ADAM12: variants seen among roughly 807,000 people sequenced by gnomAD.
ADAM12 encodes disintegrin and metalloproteinase domain-containing protein 12.
Under a neutral mutation model 106.4 loss-of-function variants are expected in ADAM12, and 70 were observed. The observed-to-expected ratio is 0.66, with a 90% CI of 0.54 to 0.80. The LOEUF (loss-of-function observed/expected upper bound fraction) is 0.80. ADAM12 is among the 30% of genes least tolerant of loss of function. The pLI is 0.00. For synonymous variants in ADAM12, 420 were observed against 433.5 expected, an observed-to-expected ratio of 0.97 and a Z score of 0.39; for missense variants, 1,010 against 1,171.9, an observed-to-expected ratio of 0.86 and a Z score of 2.02.
intron 21 of ADAM12, among the ~76,000 whole-genome samples, chr10:126,022,807 T>C (rs1003925451): frequency 6.6e-6 from 1 of 152,252 alleles, no homozygotes; most frequent in African/African-American, 2.4e-5. Context: ...ACCTCATTTT[T>C]ATGCCCTCTT....
At chr10:126,299,923 G>C (rs1445115552) in intron 2 of ADAM12, among the ~76,000 whole-genome samples, 1 of 152,034 alleles carries the variant, frequency 6.6e-6, no homozygotes. Context: ...GGATTACAGG[G>C]GTGAGCCACC....
At chr10:126,071,873 A>G (rs753313596) in intron 11 of ADAM12, among the ~76,000 whole-genome samples, 1 of 152,220 alleles carries the variant, frequency 6.6e-6, no homozygotes, top group Non-Finnish European at 1.5e-5. Flanking sequence ...AACGCGGCTG[A>G]TGAAGAAGTG....
chr10:126,022,498 CAAG>C (rs1206560768), intron 21 of ADAM12, among the ~76,000 whole-genome samples: 11 of 152,162 alleles, frequency 7.2e-5, no homozygotes, highest in African/African-American at 2.7e-4. Flanking sequence ...GGGGTTAGTC[CAAG>C]AAGATGTGCC....
chr10:126,136,181 AG>A (rs1312809326), intron 4 of ADAM12, among the ~76,000 whole-genome samples: 1 of 152,202 alleles, frequency 6.6e-6, no homozygotes, highest in African/African-American at 2.4e-5. Flanking sequence ...CTATCTCGGC[AG>A]GAAAGAAAAA....
At chr10:126,121,116 T>A (rs1229888575) in intron 5 of ADAM12, among the ~76,000 whole-genome samples, 1 of 69,380 alleles carries the variant, frequency 1.4e-5, no homozygotes, top group African/African-American at 6.2e-5. Flanking sequence ...ATATAGTATA[T>A]ATATAGTATA....
intron 1 of ADAM12, among the ~76,000 whole-genome samples, chr10:126,357,414 C>A (rs1590820753): frequency 6.6e-6 from 1 of 152,098 alleles, no homozygotes; most frequent in Admixed American, 6.6e-5. Context: ...CTTTCCTAGA[C>A]AAACAAAAGC....
Position 126,205,810 on chromosome 10 carries a change from G to A in ADAM12, c.261-50505C>T, listed in dbSNP as rs558469969. 5.3e-5 allele frequency among the ~76,000 whole-genome samples: 8 copies of A among 152,208 alleles called. No individual in the cohort carries two copies. In the South Asian group the frequency reaches 8.3e-4, roughly 16 times the overall value. On this transcript the variant is annotated intron_variant, in intron 3 of 22. Coordinates refer to ENST00000448723, the MANE Select transcript of ADAM12 (RefSeq NM_001288973.2). ...TGTTACTGTCTGTGAAAGACTGATC[G>A]GTATATCCTGGAGATTTTTCTTTTT...
intron 11 of ADAM12, among the ~76,000 whole-genome samples, chr10:126,075,196 G>C (rs569114547): frequency 1.0e-3 from 155 of 152,340 alleles, no homozygotes; most frequent in African/African-American, 3.6e-3. Flanking sequence ...ATGAGGCTGA[G>C]AAGTATTTTC....
chr10:126,340,492 AG>A (rs112927687), intron 1 of ADAM12, among the ~76,000 whole-genome samples: 2,291 of 152,322 alleles, frequency 0.015, 71 homozygotes, highest in African/African-American at 0.053. Context: ...TCATGAAGCC[AG>A]GGGGCTGACC....
rs151138785 is a variant in ADAM12 at position 126,194,194 on chromosome 10, A to T, written c.261-38889T>A. Among the ~76,000 whole-genome samples the T allele has an allele frequency of 3.4e-3, 502 of 146,922 alleles. 1 individual carries two copies. Among genetic ancestry groups the T allele is most frequent in the Middle Eastern group, 7.1e-3 (2 of 282 alleles). The stretch of plus-strand genomic sequence containing the variant: ...AAGTAAATGTTAAATCAAACTTTGG[A>T]GTGGCTCAGTTTCAAACAACTAAAT... On this transcript the variant is annotated intron_variant, in intron 3 of 22. Transcript: ENST00000448723.
At chr10:126,243,224 A>T (rs752807351) in intron 3 of ADAM12, among the ~76,000 whole-genome samples, 43 of 152,322 alleles carry the variant, frequency 2.8e-4, no homozygotes, top group Middle Eastern at 3.4e-3. Flanking sequence ...TCCTGCCCCA[A>T]GTTGCTGATG....
chr10:126,255,972 G>C lies in ADAM12; in HGVS notation c.260+22943C>G, dbSNP rs552207967. Among the ~76,000 whole-genome samples, 5 of 152,274 alleles carry C rather than the reference G, an allele frequency of 3.3e-5. No homozygotes were observed. In the East Asian group the frequency reaches 9.7e-4, roughly 29 times the overall value. On this transcript the variant is annotated intron_variant, in intron 3 of 22. Transcript: ENST00000448723. ...GTGGGTGCCCATGGGCATCTCGTCAGGGCACTTACCACCCAGCCAAAGGAA... is the reference window on the plus strand; with the variant it reads ...GTGGGTGCCCATGGGCATCTCGTCACGGCACTTACCACCCAGCCAAAGGAA...
At chr10:126,117,983 TC>T (rs1956017368) in intron 6 of ADAM12, 54 bp downstream of exon 6, 1 of 1,578,416 alleles carries the variant, frequency 6.3e-7, no homozygotes, top group Non-Finnish European at 8.7e-7. Context: ...GTGTGGGGTA[TC>T]CGTAGCTTGA....
intron 1 of ADAM12, among the ~76,000 whole-genome samples, chr10:126,351,502 T>C (rs1426663147): frequency 2.0e-5 from 3 of 152,204 alleles, no homozygotes; most frequent in African/African-American, 4.8e-5. Flanking sequence ...ATGCATGGCA[T>C]GTGCTTACTA....
intron 3 of ADAM12, among the ~76,000 whole-genome samples, chr10:126,251,848 G>A (rs1958774543): frequency 6.8e-6 from 1 of 147,428 alleles, no homozygotes; most frequent in Non-Finnish European, 1.5e-5. Flanking sequence ...ATGAATGGGT[G>A]GGATGGATAG....
intron 1 of ADAM12, among the ~76,000 whole-genome samples, chr10:126,379,423 C>A (rs1051395151): frequency 2.6e-5 from 4 of 152,090 alleles, no homozygotes; most frequent in African/African-American, 9.7e-5. Context: ...CCATCATTTT[C>A]AGCAAACTAT....
intron 3 of ADAM12, among the ~76,000 whole-genome samples, chr10:126,160,566 G>A (rs1956914425): frequency 6.6e-6 from 1 of 152,176 alleles, no homozygotes; most frequent in African/African-American, 2.4e-5. Context: ...TGCTTCTGCA[G>A]CCAAGACTCC....
At chr10:126,134,744 C>A (rs1053061424) in intron 5 of ADAM12, among the ~76,000 whole-genome samples, 1 of 152,208 alleles carries the variant, frequency 6.6e-6, no homozygotes, top group African/African-American at 2.4e-5. Flanking sequence ...AAAGACGTCA[C>A]AGGAACTGCT....
chr10:126,236,357 C>T (rs1399283448), intron 3 of ADAM12, among the ~76,000 whole-genome samples: 1 of 152,162 alleles, frequency 6.6e-6, no homozygotes, highest in East Asian at 1.9e-4. Context: ...ATGGGGAAGC[C>T]CCCGGGATAA....
Sources: allele counts gnomAD v4.1 joint callset (sites outside exome capture counted in the v4.1 genomes callset), GRCh38; gene constraint gnomAD v4.1.1; transcripts MANE v1.5; gene names NCBI Gene and HGNC (gene_info 2026-07-23, HGNC 2026-07-21).